PDCD2: variants seen among roughly 807,000 people sequenced by gnomAD.
PDCD2 encodes programmed cell death 2.
A neutral mutation model predicts 38.1 loss-of-function variants in PDCD2; 38 were observed. The ratio of observed to expected loss-of-function variants is 1.00; its 90% CI spans 0.77 to 1.31. PDCD2 has a LOEUF of 1.31. Ranked by LOEUF, PDCD2 falls within the 50% of genes most tolerant of loss-of-function variation. PDCD2 has a pLI of 0.00. For synonymous variants in PDCD2, 205 were observed against 168.9 expected (o/e 1.21, Z -1.66); for missense variants, 473 against 435.7 (o/e 1.09, Z -0.76).
chr6:170,576,496 T>A lies in PDCD2; in HGVS notation c.*1063A>T, dbSNP rs1173922976. 6.6e-6 allele frequency: 1 copy of A among 152,186 alleles called. No individual in the cohort carries two copies. Among genetic ancestry groups the A allele is most frequent in the Non-Finnish European group, 1.5e-5 (1 of 68,052 alleles). The allele number at this position is 152,186 out of a possible 1,614,324, so 9.4% of individuals were successfully genotyped here. A position where few individuals can be genotyped will look rare whatever the true frequency, so the allele number is the denominator to read the frequency against. On this transcript the variant is annotated 3_prime_UTR_variant, in exon 6 of 6. Coordinates refer to ENST00000541970, the MANE Select transcript of PDCD2 (RefSeq NM_002598.4). ...ATTCAAGCACTGATCAACAGCAATG[T>A]GTCTTAAGGGCAGGCATCACTGGTG...
At position 170,575,303 on chromosome 6, in the gene PDCD2, A is replaced by C. The variant is rs979833291; in HGVS notation, c.*2256T>G. ...CACTATCACCAATATGATTGCCAAA[A>C]ACACTTGGAACTTTTTTTTTTTTTG... On this transcript the variant is annotated 3_prime_UTR_variant, in exon 6 of 6. Coordinates refer to ENST00000541970, the MANE Select transcript of PDCD2 (RefSeq NM_002598.4). The C allele has an allele frequency of 1.3e-5, 2 of 151,722 alleles. No individual in the cohort carries two copies. Among genetic ancestry groups the C allele is most frequent in the Non-Finnish European group, 2.9e-5 (2 of 67,968 alleles). The allele number at this position is 151,722 out of a possible 1,614,324, so 9.4% of individuals were successfully genotyped here.
Position 170,578,948 on chromosome 6 carries a change from A to G in PDCD2, c.785T>C (p.Ile262Thr), listed in dbSNP as rs1779521121. The G allele has an allele frequency of 1.3e-6, 2 of 1,596,206 alleles. No homozygotes were observed. Among genetic ancestry groups the G allele is most frequent in the East Asian group, 2.2e-5 (1 of 44,826 alleles). The change falls in exon 5 of 6, where the codon ATT becomes ACT. Residue 262 changes from isoleucine (I) to threonine (T), a missense_variant. Transcript: ENST00000541970. ...PEQILRYGRG[I>T]APIWISGENI... is the part of the protein sequence containing the mutation. ...TTCACCAGAAATCCAGATGGGGGCA[A>G]TACCTCTGCCATATCTAAGAATCTA...
Position 170,577,652 on chromosome 6 carries a change from G to A in PDCD2, c.942C>T (p.Ile314=). 1 of 1,613,888 alleles carries A rather than the reference G, an allele frequency of 6.2e-7. No homozygotes were observed. ...TCTCAGCACAGGTGAAGACAGCCAG[G>A]ATGCCCCAGTCAATGCTCTTGCCCA... ...DRLGKSIDWG[I]LAVFTCAESC... The change falls in exon 6 of 6, where the codon ATC becomes ATT. Residue 314 remains isoleucine (I), a synonymous_variant. Coordinates refer to ENST00000541970, the MANE Select transcript of PDCD2 (RefSeq NM_002598.4).
intron 3 of PDCD2, 56 bp from the exon 4 acceptor site, chr6:170,580,161 A>G (rs1779555286): frequency 6.7e-6 from 7 of 1,040,396 alleles, no homozygotes; most frequent in African/African-American, 4.7e-5. Flanking sequence ...CAACTTGACA[A>G]TTCACACATG....
At position 170,584,042 on chromosome 6, in the gene PDCD2, A is replaced by C. The variant is rs986700622; in HGVS notation, c.283+257T>G. On this transcript the variant is annotated intron_variant, in intron 1 of 5. Transcript: ENST00000541970. ...TTCCAAGACAATTTCTATTATCTGA[A>C]TTAACACCATACCTGGTACCCACTG... 10 of 540,722 alleles carry C rather than the reference A, an allele frequency of 1.8e-5. No homozygotes were observed. In the Admixed American group the frequency reaches 3.7e-4, roughly 20 times the overall value. 33.5% of individuals were successfully genotyped at this position (540,722 alleles called of 1,614,324 possible).
At chr6:170,583,406 C>CTA (rs1779678623) in intron 2 of PDCD2, 99 bp downstream of exon 2, 1 of 1,339,196 alleles carries the variant, frequency 7.5e-7, no homozygotes, top group Non-Finnish European at 1.0e-6. Context: ...TTTTAAAGTA[C>CTA]TATACCTTTC....
At chr6:170,578,707 G>C (rs551076368) in intron 5 of PDCD2, 150 bp downstream of exon 5, 9 of 712,738 alleles carry the variant, frequency 1.3e-5, no homozygotes, top group African/African-American at 7.0e-5. Context: ...CTAGCCCCAA[G>C]GTGAGGCAGG....
Position 170,578,857 on chromosome 6 carries a change from C to G in PDCD2, c.876G>C (p.Gln292His). The G allele has an allele frequency of 6.4e-7, 1 of 1,560,916 alleles. No homozygotes were observed. Among genetic ancestry groups the G allele is most frequent in the Non-Finnish European group, 8.8e-7 (1 of 1,132,294 alleles). ...AAATGGTCCTTATTTAAGGTCATAC[C>G]TGGAATTCCAATATTCTCTTGGCAC... is the stretch of plus-strand genomic sequence containing the variant. Reference protein sequence around the residue: ...PCGAKRILEFQVMPQLLNYLK... With the variant: ...PCGAKRILEFHVMPQLLNYLK... Residue 292 changes from glutamine (Q) to histidine (H), a missense_variant and splice_region_variant, in exon 5 of 6, where the codon CAG becomes CAC. Coordinates refer to ENST00000541970, the MANE Select transcript of PDCD2 (RefSeq NM_002598.4).
intron 5 of PDCD2, 87 bp from the exon 6 acceptor site, chr6:170,577,804 G>C (rs1779484967): frequency 7.9e-7 from 1 of 1,258,276 alleles, no homozygotes; most frequent in Admixed American, 2.1e-5. Context: ...TAGGGATCTT[G>C]GTCTTTCAAT....
rs1779453131 is a variant in PDCD2 at position 170,576,376 on chromosome 6, T to C, written c.*1183A>G. Reference sequence around the variant, plus strand: ...AAAACGTGAGGATTTATGGTGGCAATGCATTTCAGTTAACAGGGATGTGTT... The same window carrying C: ...AAAACGTGAGGATTTATGGTGGCAACGCATTTCAGTTAACAGGGATGTGTT... On this transcript the variant is annotated 3_prime_UTR_variant, in exon 6 of 6. Transcript: ENST00000541970. 6.6e-6 allele frequency: 1 copy of C among 152,212 alleles called. No individual in the cohort carries two copies. The highest frequency in any genetic ancestry group is 2.4e-5 in the African/African-American group (1 of 41,446). The allele number at this position is 152,212 out of a possible 1,614,324, so 9.4% of individuals were successfully genotyped here. A position where few individuals can be genotyped will look rare whatever the true frequency, so the allele number is the denominator to read the frequency against.
intron 5 of PDCD2, among the ~76,000 whole-genome samples, chr6:170,577,955 T>C (rs1397244352): frequency 1.3e-5 from 2 of 152,154 alleles, no homozygotes; most frequent in Non-Finnish European, 2.9e-5. Flanking sequence ...TGGCTGTTAA[T>C]GAATTATTTT....
At position 170,584,419 on chromosome 6, in the gene PDCD2, C is replaced by A. The variant is rs762795976; in HGVS notation, c.163G>T (p.Gly55Cys). ...GPQALACELCGRPLSFLLQVY... is the reference protein window; with the variant it reads ...GPQALACELCCRPLSFLLQVY... ...TGCAGCAGGAAGGAGAGCGGGCGGC[C>A]GCACAGCTCGCAGGCCAGGGCCTGG... The change falls in exon 1 of 6, where the codon GGC becomes TGC. Residue 55 changes from glycine to cysteine, a missense_variant. Transcript: ENST00000541970. 1.4e-6 allele frequency: 2 copies of A among 1,403,916 alleles called. No individual in the cohort carries two copies. The highest frequency in any genetic ancestry group is 2.8e-5 in the East Asian group (1 of 36,184). The allele number at this position is 1,403,916 out of a possible 1,614,324, so 87.0% of individuals were successfully genotyped here.
intron 4 of PDCD2, 151 bp from the exon 5 acceptor site, chr6:170,579,121 C>A (rs1779525492): frequency 8.7e-6 from 5 of 573,664 alleles, no homozygotes; most frequent in African/African-American, 5.7e-5. Flanking sequence ...CCTGGCTGTA[C>A]CAGTGTGCCA....
At position 170,575,960 on chromosome 6, in the gene PDCD2, C is replaced by A. The variant is rs1779441942; in HGVS notation, c.*1599G>T. 6.6e-6 allele frequency: 1 copy of A among 152,172 alleles called. No homozygotes were observed. Among genetic ancestry groups the A allele is most frequent in the African/African-American group, 2.4e-5 (1 of 41,434 alleles). The allele number at this position is 152,172 out of a possible 1,614,324, so 9.4% of individuals were successfully genotyped here. A position where few individuals can be genotyped will look rare whatever the true frequency, so the allele number is the denominator to read the frequency against. ...CAGATTCTGCCTATAAGGAATAATA[C>A]ATAATTTTAGATATAAAGGCCCCAC... is the stretch of plus-strand genomic sequence containing the variant. On this transcript the variant is annotated 3_prime_UTR_variant, in exon 6 of 6. Coordinates refer to ENST00000541970, the MANE Select transcript of PDCD2 (RefSeq NM_002598.4).
At position 170,584,530 on chromosome 6, in the gene PDCD2, G is replaced by A; in HGVS notation, c.52C>T (p.Pro18Ser). ...PVELGFAESA[P>S]AWRLRSEQFP... is the part of the protein sequence containing the mutation. ...TGCTCGCTGCGCAGTCGCCACGCCG[G>A]CGCCGACTCGGCGAAGCCCAGCTCC... Residue 18 changes from proline to serine, a missense_variant, in exon 1 of 6, where the codon CCG becomes TCG. Pro to Ser is a moderately conservative substitution (Grantham distance 74). Coordinates refer to ENST00000541970, the MANE Select transcript of PDCD2 (RefSeq NM_002598.4). 1 of 1,364,120 alleles carries A rather than the reference G, an allele frequency of 7.3e-7. No homozygotes were observed. The highest frequency in any genetic ancestry group is 9.4e-7 in the Non-Finnish European group (1 of 1,060,502). 84.5% of individuals were successfully genotyped at this position (1,364,120 alleles called of 1,614,324 possible). A position where few individuals can be genotyped will look rare whatever the true frequency, so the allele number is the denominator to read the frequency against.
chr6:170,580,543 C>T lies in PDCD2; in HGVS notation c.659-438G>A, dbSNP rs6912363. Among the ~76,000 whole-genome samples, 632 of 152,130 alleles carry T rather than the reference C, an allele frequency of 4.2e-3. 6 individuals are homozygous for T. Among genetic ancestry groups the T allele is most frequent in the African/African-American group, 0.014 (596 of 41,506 alleles). On this transcript the variant is annotated intron_variant, in intron 3 of 5. Transcript: ENST00000541970. ...CAGCCTGGCCAACATGGTGAAATCC[C>T]GTATCTACTAAAAATATAAAAATTA...
Position 170,584,457 on chromosome 6 carries a change from C to A in PDCD2, c.125G>T (p.Gly42Val). The change falls in exon 1 of 6, where the codon GGG becomes GTG. Residue 42 changes from glycine to valine, a missense_variant. By Grantham distance (109) the Gly-to-Val change is moderately radical. Transcript: ENST00000541970. ...GGRPAWLGAA[G>V]LPGPQALACE... ...GGCCAGGGCCTGGGGCCCCGGCAGC[C>A]CGGCCGCGCCCAGCCATGCCGGCCG... is the stretch of plus-strand genomic sequence containing the variant. 1 of 1,309,406 alleles carries A rather than the reference C, an allele frequency of 7.6e-7. No individual in the cohort carries two copies. Among genetic ancestry groups the A allele is most frequent in the Non-Finnish European group, 9.6e-7 (1 of 1,036,588 alleles). The allele number at this position is 1,309,406 out of a possible 1,614,324, so 81.1% of individuals were successfully genotyped here.
rs1420876049 is a variant in PDCD2 at position 170,577,589 on chromosome 6, C to A, written c.1005G>T (p.Val335=). 6.2e-7 allele frequency: 1 copy of A among 1,614,148 alleles called. No individual in the cohort carries two copies. Among genetic ancestry groups the A allele is most frequent in the Admixed American group, 1.7e-5 (1 of 60,024 alleles). The part of the protein sequence containing the change: ...SLGTGYTEEF[V]WKQDVTDTP ...GTGTATCTGTTACATCCTGCTTCCA[C>A]ACAAATTCTTCTGTATAGCCAGTAC... The change falls in exon 6 of 6, where the codon GTG becomes GTT. Residue 335 remains valine (V), a synonymous_variant. Coordinates refer to ENST00000541970, the MANE Select transcript of PDCD2 (RefSeq NM_002598.4).
intron 5 of PDCD2, 67 bp downstream of exon 5, chr6:170,578,790 G>T: frequency 1.0e-6 from 1 of 1,003,660 alleles, no homozygotes; most frequent in Non-Finnish European, 1.6e-6. Context: ...TTACCTTGGT[G>T]AAGTTTTTAA....
Sources: allele counts gnomAD v4.1 joint callset (sites outside exome capture counted in the v4.1 genomes callset), GRCh38; gene constraint gnomAD v4.1.1; transcripts MANE v1.5; gene names NCBI Gene and HGNC (gene_info 2026-07-23, HGNC 2026-07-21).